RIF1: variants seen among roughly 807,000 people sequenced by gnomAD.
RIF1 encodes the protein telomere-associated protein RIF1.
Under a neutral mutation model 247.1 loss-of-function variants are expected in RIF1, and 45 were observed. The ratio of observed to expected loss-of-function variants is 0.18; its 90% CI spans 0.14 to 0.23. The LOEUF is 0.23. RIF1 is among the 10% of genes least tolerant of loss of function. The pLI, the probability that RIF1 is intolerant of heterozygous loss-of-function variation, is 1.00. For synonymous variants in RIF1, 1,087 were observed against 978.8 expected, an observed-to-expected ratio of 1.11 and a Z score of -2.06; for missense variants, 2,967 against 2,862.5, an observed-to-expected ratio of 1.04 and a Z score of -0.83.
At chr2:151,528,081 A>G in the RIF1 span, among the ~76,000 whole-genome samples, 1 of 152,216 alleles carries the variant, frequency 6.6e-6, no homozygotes, top group African/African-American at 2.4e-5. Flanking sequence ...AACTGGATAG[A>G]AAGGTTAAGT....
intron 8 of RIF1, among the ~76,000 whole-genome samples, chr2:151,426,898 C>T (rs1452934823): frequency 2.6e-5 from 4 of 151,214 alleles, no homozygotes; most frequent in African/African-American, 7.3e-5. Context: ...CCATCTGCCT[C>T]GGCCTCCCAA....
At chr2:151,422,219 G>A (rs1362621735) in intron 7 of RIF1, among the ~76,000 whole-genome samples, 3 of 151,974 alleles carry the variant, frequency 2.0e-5, no homozygotes, top group Non-Finnish European at 2.9e-5. Flanking sequence ...ATTATTTCAC[G>A]TGTCTGTTGA....
chr2:151,450,938 A>C (rs969147834), intron 20 of RIF1, among the ~76,000 whole-genome samples: 6 of 152,182 alleles, frequency 3.9e-5, no homozygotes, highest in Non-Finnish European at 7.3e-5. Context: ...CTTTTACTTC[A>C]TAATTTTCAA....
Position 151,410,503 on chromosome 2 carries a change from C to A in RIF1, c.80C>A (p.Thr27Asn). The A allele has an allele frequency of 6.2e-7, 1 of 1,613,888 alleles. No homozygotes were observed. Among genetic ancestry groups the A allele is most frequent in the South Asian group, 1.1e-5 (1 of 91,008 alleles). Residue 27 changes from threonine to asparagine, a missense_variant, in exon 2 of 36, where the codon ACT becomes AAT. Physicochemically the swap from Thr to Asn is moderately conservative, Grantham distance 65. Transcript: ENST00000444746. ...EDPSASHGGQTDAYLTLTSRM... is the reference protein window; with the variant it reads ...EDPSASHGGQNDAYLTLTSRM... ...CCTTCTGCCTCCCATGGAGGGCAGA[C>A]TGACGCTTACCTGACTCTGACCAGG...
chr2:151,455,646 A>C (rs1369005023), intron 22 of RIF1, among the ~76,000 whole-genome samples: 1 of 135,910 alleles, frequency 7.4e-6, no homozygotes, highest in Non-Finnish European at 1.6e-5. Flanking sequence ...TAAGGAATCT[A>C]GAGATGATTT....
intron 7 of RIF1, among the ~76,000 whole-genome samples, chr2:151,420,811 CA>C (rs1453369134): frequency 6.6e-6 from 1 of 150,882 alleles, no homozygotes; most frequent in East Asian, 1.9e-4. Context: ...AGCTTTGAAT[CA>C]AAACCTTAAG....
chr2:151,412,304 T>C (rs1295956488), intron 3 of RIF1, among the ~76,000 whole-genome samples: 1 of 107,808 alleles, frequency 9.3e-6, no homozygotes, highest in Non-Finnish European at 2.4e-5. Context: ...TTTTTAATTT[T>C]TTTTGTTTGT....
intron 24 of RIF1, 31 bp downstream of exon 24, chr2:151,457,994 A>G (rs144911659): frequency 1.2e-5 from 17 of 1,460,388 alleles, no homozygotes; most frequent in East Asian, 1.1e-4. Flanking sequence ...ATATACAACT[A>G]ACTATTCTGT....
chr2:151,507,912 A>AC lies in RIF1; in HGVS notation c.*1212dup, dbSNP rs1441957488. ...GATGGGAGTTGTGGAGGGCTGCACAACAGCCCCACTGCAAGCCTGGGATAT... is the reference window on the plus strand; with the variant it reads ...GATGGGAGTTGTGGAGGGCTGCACAACCAGCCCCACTGCAAGCCTGGGATAT... On this transcript the variant is annotated 3_prime_UTR_variant and NMD_transcript_variant, in exon 14 of 14. Coordinates refer to the RIF1 transcript ENST00000454583. The AC allele has an allele frequency of 3.5e-6, 3 of 845,742 alleles. No homozygotes were observed. The African/African-American group carries it at 5.0e-5, about 14-fold the overall frequency. The allele number at this position is 845,742 out of a possible 1,614,324, so 52.4% of individuals were successfully genotyped here. A position where few individuals can be genotyped will look rare whatever the true frequency, so the allele number is the denominator to read the frequency against.
At position 151,460,100 on chromosome 2, in the gene RIF1, A is replaced by G; in HGVS notation, c.3056A>G (p.Asn1019Ser). 1 of 1,558,368 alleles carries G rather than the reference A, an allele frequency of 6.4e-7. No homozygotes were observed. Among genetic ancestry groups the G allele is most frequent in the Non-Finnish European group, 8.7e-7 (1 of 1,148,908 alleles). The change falls in exon 26 of 36, where the codon AAT (asparagine) becomes AGT (serine). Residue 1019 changes from asparagine (N) to serine (S), a missense_variant. By Grantham distance (46) the Asn-to-Ser change is conservative. Transcript: ENST00000444746. ...GCACAAACAAAGAATAAAAAAGAAA[A>G]TATGAAACCAGCAGCCAAAGTATGT... ...FLAQTKNKKE[N>S]MKPAAKLKLE...
At position 151,464,587 on chromosome 2, in the gene RIF1, T is replaced by A; in HGVS notation, c.5067T>A (p.Phe1689Leu). 1 of 1,613,546 alleles carries A rather than the reference T, an allele frequency of 6.2e-7. No homozygotes were observed. Among genetic ancestry groups the A allele is most frequent in the Non-Finnish European group, 8.5e-7 (1 of 1,179,664 alleles). ...AGAGATTACATAAGCGAGACTCTTT[T>A]GATAATTGTAGTTTGGGAGAATCCT... ...AIKRLHKRDSFDNCSLGESSK... is the reference protein window; with the variant it reads ...AIKRLHKRDSLDNCSLGESSK... The change falls in exon 30 of 36, where the codon TTT becomes TTA. Residue 1689 changes from phenylalanine to leucine, a missense_variant. Transcript: ENST00000444746.
At chr2:151,493,748 A>T in intron 9 of RIF1, 1 of 1,470,004 alleles carries the variant, frequency 6.8e-7, no homozygotes, top group Non-Finnish European at 9.3e-7. Context: ...TAAGATTTTA[A>T]GGATTTATTT....
chr2:151,512,593 C>T (rs974900207), downstream of RIF1: 22 of 704,502 alleles, frequency 3.1e-5, no homozygotes, highest in African/African-American at 2.2e-4. Flanking sequence ...GGAATACAGA[C>T]GTGAGCCACT....
At chr2:151,435,329 CTGTT>C in intron 10 of RIF1, 130 bp from the exon 11 acceptor site, 1 of 618,218 alleles carries the variant, frequency 1.6e-6, no homozygotes, top group Non-Finnish European at 2.9e-6. Flanking sequence ...ACTTTTTAGC[CTGTT>C]TGTGCATGGA....
At chr2:151,520,757 A>G in the RIF1 span, among the ~76,000 whole-genome samples, 1 of 152,152 alleles carries the variant, frequency 6.6e-6, no homozygotes, top group Non-Finnish European at 1.5e-5. Flanking sequence ...TCAGCTACTC[A>G]GGAGGCTGAA....
rs987244292 is a variant in RIF1, at chr2:151,476,214, A to C, written c.*1143A>C. 5 of 152,212 alleles carry C rather than the reference A, an allele frequency of 3.3e-5. No homozygotes were observed. The highest frequency in any genetic ancestry group is 1.2e-4 in the African/African-American group (5 of 41,458). 9.4% of individuals were successfully genotyped at this position (152,212 alleles called of 1,614,324 possible). A position where few individuals can be genotyped will look rare whatever the true frequency, so the allele number is the denominator to read the frequency against. On this transcript the variant is annotated 3_prime_UTR_variant, in exon 36 of 36. Transcript: ENST00000444746. ...ATTTCACAGCAAGTTGGACTACAAA[A>C]TCTAGAGTTGATCTGCTTTTTAAAC...
At chr2:151,458,031 T>A in intron 24 of RIF1, 68 bp downstream of exon 24, 1 of 1,146,536 alleles carries the variant, frequency 8.7e-7, no homozygotes, top group South Asian at 1.3e-5. Flanking sequence ...GATACTTTGA[T>A]TCAAATAATC....
At chr2:151,427,537 G>GT (rs1372540794) in intron 8 of RIF1, among the ~76,000 whole-genome samples, 35 of 127,662 alleles carry the variant, frequency 2.7e-4, no homozygotes, top group Admixed American at 8.6e-4. Context: ...TTTTTTTTTT[G>GT]TTTTTTTTTC....
intron 9 of RIF1, among the ~76,000 whole-genome samples, chr2:151,490,837 C>T (rs533811764): frequency 1.3e-5 from 2 of 152,292 alleles, no homozygotes; most frequent in Middle Eastern, 3.4e-3. Context: ...TAGTAATATT[C>T]ACATTCAGAC....
Sources: allele counts gnomAD v4.1 joint callset (sites outside exome capture counted in the v4.1 genomes callset), GRCh38; gene constraint gnomAD v4.1.1; transcripts MANE v1.5; gene names NCBI Gene and HGNC (gene_info 2026-07-23, HGNC 2026-07-21).